Variants in LAMC3 observed in about 807,000 individuals in gnomAD.
LAMC3 encodes laminin subunit gamma 3.
A neutral mutation model predicts 173.8 loss-of-function variants in LAMC3; 128 were observed. That is an observed-to-expected ratio of 0.74 (90% confidence interval 0.64 to 0.85). LAMC3 has a LOEUF of 0.85. LAMC3 is among the 40% of genes least tolerant of loss of function. The pLI, the probability that LAMC3 is intolerant of heterozygous loss-of-function variation, is 0.00. For synonymous variants in LAMC3, 897 were observed against 909.1 expected (o/e 0.99, Z 0.24); for missense variants, 2,022 against 2,156.0 (o/e 0.94, Z 1.23).
In LAMC3 at chr9:131,052,855, A is replaced by G; in HGVS notation, c.1829A>G (p.Gln610Arg). 3 of 1,586,476 alleles carry G rather than the reference A, an allele frequency of 1.9e-6. No homozygotes were observed. Among genetic ancestry groups the G allele is most frequent in the Non-Finnish European group, 2.6e-6 (3 of 1,167,608 alleles). Reference sequence around the variant, plus strand: ...TTGACCGCTTCTCTCGCCAGCCTGCAGGAGACCTCCGAGGACGTGGCCCCT... The same window carrying G: ...TTGACCGCTTCTCTCGCCAGCCTGCGGGAGACCTCCGAGGACGTGGCCCCT... ...PREVELRFHLQETSEDVAPPL... is the reference protein window; with the variant it reads ...PREVELRFHLRETSEDVAPPL... Residue 610 changes from glutamine to arginine, a missense_variant, in exon 11 of 28, where the codon CAG becomes CGG. Coordinates refer to ENST00000361069, the MANE Select transcript of LAMC3 (RefSeq NM_006059.4).
intron 13 of LAMC3, among the ~76,000 whole-genome samples, chr9:131,063,276 C>T (rs890171773): frequency 1.3e-5 from 2 of 152,208 alleles, no homozygotes; most frequent in Non-Finnish European, 2.9e-5. Flanking sequence ...CCTCCATTCT[C>T]GTTATCTCCC....
intron 20 of LAMC3, 107 bp from the exon 21 acceptor site, chr9:131,075,724 C>A: frequency 1.6e-6 from 2 of 1,278,244 alleles, no homozygotes; most frequent in Non-Finnish European, 2.2e-6. Context: ...TTGTGGCTGT[C>A]CTCTGTTAGG....
chr9:131,063,905 C>T (rs1222874716), intron 13 of LAMC3, among the ~76,000 whole-genome samples: 1 of 152,060 alleles, frequency 6.6e-6, no homozygotes, highest in Non-Finnish European at 1.5e-5. Flanking sequence ...GCCCTTAGCA[C>T]TATTAACTTT....
rs377255764 is a variant in LAMC3 at position 131,050,099 on chromosome 9, G to A, written c.1630+969G>A. ...GTGGGGCAGGCGCTCCAAGCTCAGA[G>A]GCCCATGAGCAAAAAACTCACTCTG... On this transcript the variant is annotated intron_variant, in intron 9 of 27. Coordinates refer to ENST00000361069, the MANE Select transcript of LAMC3 (RefSeq NM_006059.4). 2.6e-5 allele frequency among the ~76,000 whole-genome samples: 4 copies of A among 152,384 alleles called. No homozygotes were observed. In the East Asian group the frequency reaches 5.8e-4, roughly 22 times the overall value.
intron 13 of LAMC3, among the ~76,000 whole-genome samples, chr9:131,063,155 GCAGCCAA>G (rs371246859): frequency 7.2e-5 from 11 of 152,160 alleles, no homozygotes; most frequent in East Asian, 1.9e-4. Flanking sequence ...CAGCTCTCTG[GCAGCCAA>G]CAGCCAACAG....
At chr9:131,067,590 G>C (rs1000634575) in intron 14 of LAMC3, among the ~76,000 whole-genome samples, 8 of 152,188 alleles carry the variant, frequency 5.3e-5, no homozygotes, top group Non-Finnish European at 1.0e-4. Context: ...AGCCCTGCAG[G>C]AGGGAAGCTC....
Position 131,032,123 on chromosome 9 carries a change from A to G in LAMC3, c.757A>G (p.Lys253Glu), listed in dbSNP as rs1358690771. Residue 253 changes from lysine to glutamate, a missense_variant, in exon 3 of 28, where the codon AAG becomes GAG. By Grantham distance (56) the Lys-to-Glu change is moderately conservative (BLOSUM62 1). Coordinates refer to ENST00000361069, the MANE Select transcript of LAMC3 (RefSeq NM_006059.4). ...TFGDDIFKDPKVLQSYYYAVS... is the reference protein window; with the variant it reads ...TFGDDIFKDPEVLQSYYYAVS... ...TGGGGACGACATCTTCAAGGACCCCAAGGTGCTCCAGTCCTACTATTATGC... is the reference window on the plus strand; with the variant it reads ...TGGGGACGACATCTTCAAGGACCCCGAGGTGCTCCAGTCCTACTATTATGC... The G allele has an allele frequency of 6.2e-7, 1 of 1,613,898 alleles. No homozygotes were observed. The highest frequency in any genetic ancestry group is 8.5e-7 in the Non-Finnish European group (1 of 1,179,940).
Position 131,033,190 on chromosome 9 carries a change from C to T in LAMC3, c.809+1015C>T, listed in dbSNP as rs28704856. Among the ~76,000 whole-genome samples, 540 of 152,346 alleles carry T rather than the reference C, an allele frequency of 3.5e-3. 2 individuals are homozygous for T. The highest frequency in any genetic ancestry group is 0.012 in the African/African-American group (502 of 41,574). ...GTCCCAAGGCCTGTCTCGCACATGG[C>T]CACCTGGCAGTGGGTGCCCAGGGAG... On this transcript the variant is annotated intron_variant, in intron 3 of 27. Transcript: ENST00000361069.
In LAMC3 at chr9:131,093,430, G is replaced by T. The variant is rs4740414; in HGVS notation, c.*1643G>T. The T allele has an allele frequency of 0.22, 33,621 of 151,930 alleles. 4,205 individuals carry two copies. Among genetic ancestry groups the T allele is most frequent in the Admixed American group, 0.28 (4,265 of 15,226 alleles). The allele number at this position is 151,930 out of a possible 1,614,324, so 9.4% of individuals were successfully genotyped here. ...CATCCAGGAGGGGGATGGTGTGGGT[G>T]GGGCCTTGAAGGGTGGGGAGGCAGA... On this transcript the variant is annotated 3_prime_UTR_variant, in exon 28 of 28. Transcript: ENST00000361069.
intron 17 of LAMC3, among the ~76,000 whole-genome samples, chr9:131,070,346 A>C (rs1588163121): frequency 6.6e-6 from 1 of 152,240 alleles, no homozygotes; most frequent in African/African-American, 2.4e-5. Flanking sequence ...GAGATAGTTC[A>C]GGCCTGCAAT....
chr9:131,066,739 T>G (rs1829940462), intron 13 of LAMC3, among the ~76,000 whole-genome samples: 1 of 152,098 alleles, frequency 6.6e-6, no homozygotes, highest in Admixed American at 6.5e-5. Flanking sequence ...GCCATTGTTG[T>G]CCCCGCTTTA....
chr9:131,078,920 T>TGCCTCCAG (rs929618597), intron 22 of LAMC3, among the ~76,000 whole-genome samples: 24 of 152,354 alleles, frequency 1.6e-4, no homozygotes, highest in South Asian at 2.1e-4. Context: ...CTGGGCCCTC[T>TGCCTCCAG]GCCTCCAGGG....
At chr9:131,079,107 C>G (rs773157932) in intron 22 of LAMC3, 42 bp from the exon 23 acceptor site, 81 of 1,604,882 alleles carry the variant, frequency 5.0e-5, no homozygotes, top group Non-Finnish European at 6.0e-5. Context: ...GCTGCTTGCC[C>G]TTCCTTTCCA....
intron 1 of LAMC3, among the ~76,000 whole-genome samples, chr9:131,025,900 C>G (rs1833706310): frequency 6.6e-6 from 1 of 152,194 alleles, no homozygotes; most frequent in South Asian, 2.1e-4. Context: ...GTGCAAGGAT[C>G]AGCTTCGTTG....
chr9:131,068,910 G>C lies in LAMC3; in HGVS notation c.2750G>C (p.Cys917Ser). Residue 917 changes from cysteine to serine, a missense_variant and splice_region_variant, in exon 16 of 28, where the codon TGC becomes TCC. Transcript: ENST00000361069. ...CCCAGTTCCTTCCCTGATCACAGCTGCAAGTGTCACCCACTGGGCTCCCAG... is the reference window on the plus strand; with the variant it reads ...CCCAGTTCCTTCCCTGATCACAGCTCCAAGTGTCACCCACTGGGCTCCCAG... ...DLQPGRGCRS[C>S]KCHPLGSQED... The C allele has an allele frequency of 6.2e-7, 1 of 1,614,016 alleles. No homozygotes were observed. The highest frequency in any genetic ancestry group is 8.5e-7 in the Non-Finnish European group (1 of 1,180,020).
Position 131,050,904 on chromosome 9 carries a change from C to T in LAMC3, c.1631-1587C>T, listed in dbSNP as rs188801795. Among the ~76,000 whole-genome samples the T allele has an allele frequency of 9.7e-4, 147 of 152,236 alleles. 3 individuals carry two copies. The South Asian group carries it at 0.027, about 28-fold the overall frequency. ...GTGTGAAACCATCTCACGTGTAGAA[C>T]GTGAGTAGCAAAGGATGGGAGGGGA... On this transcript the variant is annotated intron_variant, in intron 9 of 27. Coordinates refer to ENST00000361069, the MANE Select transcript of LAMC3 (RefSeq NM_006059.4).
At chr9:131,079,107 C>T (rs773157932) in intron 22 of LAMC3, 42 bp from the exon 23 acceptor site, 2 of 1,604,886 alleles carry the variant, frequency 1.2e-6, no homozygotes, top group Admixed American at 1.7e-5. Flanking sequence ...GCTGCTTGCC[C>T]TTCCTTTCCA....
chr9:131,073,311 C>G lies in LAMC3; in HGVS notation c.3484C>G (p.Leu1162Val). The G allele has an allele frequency of 1.2e-6, 2 of 1,613,556 alleles. No individual in the cohort carries two copies. Among genetic ancestry groups the G allele is most frequent in the Non-Finnish European group, 1.7e-6 (2 of 1,179,664 alleles). Residue 1162 changes from leucine (L) to valine (V), a missense_variant, in exon 20 of 28, where the codon CTC becomes GTC. Coordinates refer to ENST00000361069, the MANE Select transcript of LAMC3 (RefSeq NM_006059.4). ...CCACCTGGCCACAGAGGCCCGTGCC[C>G]TCGCCAGGAGGTGAGTCCCAAGACA... is the stretch of plus-strand genomic sequence containing the variant. ...WSHLATEARALARSHRDTATK... is the reference protein window; with the variant it reads ...WSHLATEARAVARSHRDTATK...
intron 2 of LAMC3, among the ~76,000 whole-genome samples, chr9:131,030,755 C>T (rs766101999): frequency 7.0e-4 from 106 of 152,216 alleles, no homozygotes; most frequent in Non-Finnish European, 1.0e-3. Flanking sequence ...GAGAAGGAAT[C>T]GCCACAGCGC....
Sources: allele counts gnomAD v4.1 joint callset (sites outside exome capture counted in the v4.1 genomes callset), GRCh38; gene constraint gnomAD v4.1.1; transcripts MANE v1.5; gene names NCBI Gene and HGNC (gene_info 2026-07-23, HGNC 2026-07-21).